Variants in PROM2 observed in about 807,000 individuals in gnomAD.
The protein encoded by PROM2 is prominin 2.
In PROM2, 90 loss-of-function variants were observed where a neutral mutation model predicts 110.2. The observed-to-expected ratio is 0.82, with a 90% CI of 0.69 to 0.97. PROM2 has a LOEUF of 0.97. Among genes scored for constraint, PROM2 ranks in the 50% least tolerant of loss-of-function variants. The pLI is 0.00. For synonymous variants in PROM2, 470 were observed against 467.8 expected (o/e 1.00, Z -0.06); for missense variants, 1,009 against 1,074.8 (o/e 0.94, Z 0.86).
chr2:95,275,348 G>A lies in PROM2; in HGVS notation c.245-113G>A, dbSNP rs1676583620. 1.0e-6 allele frequency: 1 copy of A among 967,484 alleles called. No individual in the cohort carries two copies. The highest frequency in any genetic ancestry group is 2.3e-5 in the Admixed American group (1 of 43,948). 59.9% of individuals were successfully genotyped at this position (967,484 alleles called of 1,614,324 possible). ...TGCAGCCTTCTGCGAGGGTGCCATG[G>A]TGGTGGCAGGAGCCCTGCCTCAGAG... On this transcript the variant is annotated intron_variant, in intron 1 of 23. Transcript: ENST00000317620. This position sits in a 1 kb window ranked among gnomAD's most constrained non-coding sequence, Gnocchi z 4.4.
intron 23 of PROM2, 88 bp downstream of exon 23, chr2:95,289,094 C>A: frequency 9.0e-7 from 1 of 1,110,360 alleles, no homozygotes; most frequent in Non-Finnish European, 1.4e-6. Flanking sequence ...GTTTCCAGGG[C>A]CTAGGAGGGC....
chr2:95,285,727 G>A lies in PROM2; in HGVS notation c.1947+17G>A. Reference sequence around the variant, plus strand: ...CAGGCCCAAGTGAGTGGGAAACAGGGCCCCGACTGGGCAGCAGGAGCCACA... The same window carrying A: ...CAGGCCCAAGTGAGTGGGAAACAGGACCCCGACTGGGCAGCAGGAGCCACA... On this transcript the variant is annotated intron_variant, in intron 16 of 23. Transcript: ENST00000317620. 1 of 1,582,544 alleles carries A rather than the reference G, an allele frequency of 6.3e-7. No individual in the cohort carries two copies. Among genetic ancestry groups the A allele is most frequent in the Non-Finnish European group, 8.6e-7 (1 of 1,163,776 alleles).
At chr2:95,286,895 G>A (rs1238299159) in intron 18 of PROM2, 38 bp downstream of exon 18, 6 of 1,602,210 alleles carry the variant, frequency 3.7e-6, no homozygotes, top group Non-Finnish European at 5.1e-6. Flanking sequence ...TGGAGCACAG[G>A]GGCTGCAGAG....
chr2:95,279,748 G>A (rs1174969694), intron 10 of PROM2, 97 bp from the exon 11 acceptor site: 1 of 1,020,100 alleles, frequency 9.8e-7, no homozygotes, highest in Admixed American at 3.1e-5. Context: ...CCCAGCCTTG[G>A]GGTTAGAGGC....
chr2:95,277,468 C>T lies in PROM2; in HGVS notation c.877C>T (p.Arg293Cys), dbSNP rs755787812. ...LEPAIREHRD[R>C]LLELLQEARC... Reference sequence around the variant, plus strand: ...GCCAGCCATCCGGGAACACCGGGACCGCCTCCTTGAGCTGCTGCAGGAGGC... The same window carrying T: ...GCCAGCCATCCGGGAACACCGGGACTGCCTCCTTGAGCTGCTGCAGGAGGC... The change falls in exon 7 of 24, where the codon CGC becomes TGC. Residue 293 changes from arginine to cysteine, a missense_variant. Transcript: ENST00000317620. 2.0e-5 allele frequency: 33 copies of T among 1,612,836 alleles called. No homozygotes were observed. Among genetic ancestry groups the T allele is most frequent in the East Asian group, 1.1e-4 (5 of 44,876 alleles).
chr2:95,274,681 C>T lies in PROM2; in HGVS notation c.96C>T (p.Phe32=). 6.2e-7 allele frequency: 1 copy of T among 1,613,006 alleles called. No individual in the cohort carries two copies. Among genetic ancestry groups the T allele is most frequent in the Non-Finnish European group, 8.5e-7 (1 of 1,179,856 alleles). ...CTGCAGGGGCCACAGACTGCAAGTTCCTTGGCCCGGCAGAGCACCTGACAT... is the reference window on the plus strand; with the variant it reads ...CTGCAGGGGCCACAGACTGCAAGTTTCTTGGCCCGGCAGAGCACCTGACAT... The part of the protein sequence containing the change: ...QLAAGATDCK[F]LGPAEHLTFT... Residue 32 remains phenylalanine, a synonymous_variant, in exon 1 of 24, where the codon TTC becomes TTT. Transcript: ENST00000317620.
intron 12 of PROM2, 34 bp from the exon 13 acceptor site, chr2:95,281,891 G>T: frequency 1.3e-6 from 2 of 1,536,702 alleles, no homozygotes; most frequent in Non-Finnish European, 1.8e-6. Context: ...CCCCCACCCC[G>T]CTCTGTGCCC....
In PROM2 at chr2:95,278,298, T is replaced by G. The variant is rs1676800575; in HGVS notation, c.1050+294T>G. The G allele has an allele frequency of 9.2e-6, 5 of 545,246 alleles. No homozygotes were observed. In the East Asian group the frequency reaches 1.5e-4, roughly 17 times the overall value. The allele number at this position is 545,246 out of a possible 1,614,324, so 33.8% of individuals were successfully genotyped here. On this transcript the variant is annotated intron_variant, in intron 8 of 23. Transcript: ENST00000317620. ...GGTGGAGATGGGCCAAGGGGGAGGA[T>G]GCGGTGTTGTGAGTCAGCGCCCAGG...
intron 8 of PROM2, 50 bp downstream of exon 8, chr2:95,278,054 G>T (rs1343057705): frequency 6.7e-7 from 1 of 1,499,268 alleles, no homozygotes; most frequent in Middle Eastern, 1.7e-4. Flanking sequence ...CCAAGTGAGG[G>T]CCTCTGTTTC....
Position 95,281,250 on chromosome 2 carries a change from G to C in PROM2, c.1436G>C (p.Gly479Ala). ...AGARFLMAGVGLSFLFAAPLI... is the reference protein window; with the variant it reads ...AGARFLMAGVALSFLFAAPLI... ...CCTCTCGCCTACCCCAGAGGTGTGGGCCTCAGCTTCCTCTTTGCTGCACCC... is the reference window on the plus strand; with the variant it reads ...CCTCTCGCCTACCCCAGAGGTGTGGCCCTCAGCTTCCTCTTTGCTGCACCC... Residue 479 changes from glycine (G) to alanine (A), a missense_variant, in exon 12 of 24, where the codon GGC (glycine) becomes GCC (alanine). Physicochemically the swap from Gly to Ala is moderately conservative, Grantham distance 60. Transcript: ENST00000317620. The C allele has an allele frequency of 1.2e-6, 2 of 1,612,692 alleles. No homozygotes were observed. The highest frequency in any genetic ancestry group is 1.7e-6 in the Non-Finnish European group (2 of 1,179,958).
At chr2:95,278,925 T>A in intron 9 of PROM2, 60 bp from the exon 10 acceptor site, 1 of 1,600,546 alleles carries the variant, frequency 6.2e-7, no homozygotes, top group Non-Finnish European at 8.5e-7. Context: ...TGCCCGCTTG[T>A]CTTGTTCCTG....
chr2:95,277,451 T>G lies in PROM2; in HGVS notation c.860T>G (p.Ile287Ser). Residue 287 changes from isoleucine (I) to serine (S), a missense_variant, in exon 7 of 24, where the codon ATC becomes AGC. Transcript: ENST00000317620. ...GGGCAGCAGGACCTGGAGCCAGCCA[T>G]CCGGGAACACCGGGACCGCCTCCTT... ...QAGQQDLEPA[I>S]REHRDRLLEL... The G allele has an allele frequency of 6.2e-7, 1 of 1,613,222 alleles. No individual in the cohort carries two copies. The highest frequency in any genetic ancestry group is 1.1e-5 in the South Asian group (1 of 91,050).
At chr2:95,287,623 C>T (rs1040748118) in intron 20 of PROM2, among the ~76,000 whole-genome samples, 159 bp downstream of exon 20, 1 of 152,148 alleles carries the variant, frequency 6.6e-6, no homozygotes, top group Non-Finnish European at 1.5e-5. Flanking sequence ...CCCCTGCTTG[C>T]TGGCTGAGCT....
chr2:95,282,285 T>C, intron 14 of PROM2, 59 bp downstream of exon 14: 1 of 1,426,164 alleles, frequency 7.0e-7, no homozygotes, highest in Middle Eastern at 1.8e-4. Flanking sequence ...CCTCTGGTCT[T>C]TTTGCCTCTG....
At position 95,278,108 on chromosome 2, in the gene PROM2, C is replaced by A. The variant is rs1037457828; in HGVS notation, c.1050+104C>A. On this transcript the variant is annotated intron_variant, in intron 8 of 23. Transcript: ENST00000317620. ...CCAGTTGAACCTAATATTTGGGGTC[C>A]CACCCACCACACAGCACCCTGGGCA... 6 of 926,312 alleles carry A rather than the reference C, an allele frequency of 6.5e-6. No individual in the cohort carries two copies. In the East Asian group the frequency reaches 1.3e-4, roughly 20 times the overall value. The allele number at this position is 926,312 out of a possible 1,614,324, so 57.4% of individuals were successfully genotyped here.
chr2:95,284,947 C>T, intron 14 of PROM2, 22 bp from the exon 15 acceptor site: 1 of 1,604,522 alleles, frequency 6.2e-7, no homozygotes, highest in Non-Finnish European at 8.5e-7. Flanking sequence ...GCATGACTCC[C>T]ACCCTGCGCC....
At chr2:95,278,553 TGAGTCAGACTGGGCCAGGGGATGGGA>T (rs1676818163) in intron 8 of PROM2, 142 bp from the exon 9 acceptor site, 1 of 736,104 alleles carries the variant, frequency 1.4e-6, no homozygotes, top group African/African-American at 1.8e-5. Context: ...TTTGGGAAGT[TGAGTCAGACTGGGCCAGGGGATGGGA>T]GAGGAGGGCA....
intron 23 of PROM2, 25 bp downstream of exon 23, chr2:95,289,031 T>C (rs780672347): frequency 5.1e-6 from 8 of 1,581,644 alleles, no homozygotes; most frequent in South Asian, 1.1e-5. Flanking sequence ...ACTCGCTTAA[T>C]TGCTCCCTGC....
At chr2:95,288,878 A>G (rs1677539052) in intron 22 of PROM2, 55 bp from the exon 23 acceptor site, 1 of 1,549,520 alleles carries the variant, frequency 6.5e-7, no homozygotes, top group Non-Finnish European at 8.9e-7. Flanking sequence ...TCCCTGTGTC[A>G]GGGCTGAGGG....
Sources: allele counts gnomAD v4.1 joint callset (sites outside exome capture counted in the v4.1 genomes callset), GRCh38; gene constraint gnomAD v4.1.1; non-coding constraint Gnocchi (gnomAD v3.1); transcripts MANE v1.5; gene names NCBI Gene and HGNC (gene_info 2026-07-23, HGNC 2026-07-21).